FBXW11: variants seen among roughly 807,000 people sequenced by gnomAD.
FBXW11 encodes the protein F-box and WD repeat domain containing 11.
In FBXW11, 19 loss-of-function variants were observed where a neutral mutation model predicts 77.6. That is an observed-to-expected ratio of 0.24 (90% CI 0.17 to 0.36). The LOEUF (loss-of-function observed/expected upper bound fraction) is 0.36, where lower values mean the gene tolerates loss of function less well. FBXW11 is among the 10% of genes least tolerant of loss of function. FBXW11 has a pLI of 1.00. For missense variants in FBXW11, 334 were observed against 704.2 expected (o/e 0.47, Z 5.95); for synonymous variants, 235 against 249.4 (o/e 0.94, Z 0.54).
intron 1 of FBXW11, among the ~76,000 whole-genome samples, chr5:171,983,818 GA>G (rs1250362279): frequency 3.3e-5 from 5 of 152,126 alleles, no homozygotes; most frequent in African/African-American, 1.2e-4. Flanking sequence ...ATACCCAAGA[GA>G]AACAAGTGCT....
At chr5:171,934,676 CAA>C (rs34077162) in intron 2 of FBXW11, among the ~76,000 whole-genome samples, 44 of 69,160 alleles carry the variant, frequency 6.4e-4, no homozygotes, top group Middle Eastern at 7.6e-3. Flanking sequence ...GACCCTGTCT[CAA>C]AAAAAAAAAA....
intron 2 of FBXW11, among the ~76,000 whole-genome samples, chr5:171,951,155 A>G (rs1438133954): frequency 1.3e-5 from 2 of 152,012 alleles, no homozygotes; most frequent in South Asian, 2.1e-4. Flanking sequence ...CTAAAGATAC[A>G]TATGCAATGA....
chr5:171,957,733 C>T (rs1561721514), intron 1 of FBXW11, 35 bp from the exon 2 acceptor site: 1 of 1,563,746 alleles, frequency 6.4e-7, no homozygotes, highest in African/African-American at 1.4e-5. Flanking sequence ...AGAGAAGAAG[C>T]AGTTAGAGGC....
intron 1 of FBXW11, among the ~76,000 whole-genome samples, chr5:171,967,883 T>TACACACACAC (rs59469025): frequency 4.0e-5 from 3 of 74,984 alleles, no homozygotes; most frequent in African/African-American, 1.8e-4. Flanking sequence ...TATATATATA[T>TACACACACAC]ACACACACAC....
intron 1 of FBXW11, among the ~76,000 whole-genome samples, chr5:171,990,567 A>ATC (rs1765680443): frequency 6.6e-6 from 1 of 152,210 alleles, no homozygotes; most frequent in Non-Finnish European, 1.5e-5. Context: ...ACTAGAAATC[A>ATC]TCTACACATG....
At chr5:171,880,791 A>G (rs839302) in intron 7 of FBXW11, among the ~76,000 whole-genome samples, 137,697 of 152,176 alleles carry the variant, frequency 0.9, 62,681 homozygotes, top group East Asian at 1. Context: ...CCGCCTCCCA[A>G]GTTCAAGCTA....
rs931004216 is a variant in FBXW11 at position 171,956,109 on chromosome 5, G to T, written c.147+1488C>A. ...AAATTTCCAGTTCTGGAAAAAACTC[G>T]GTCAGCCCACTAAAAAGCAACTGTA... is the stretch of plus-strand genomic sequence containing the variant. On this transcript the variant is annotated intron_variant, in intron 2 of 13. Transcript: ENST00000517395. 2.6e-5 allele frequency among the ~76,000 whole-genome samples: 4 copies of T among 152,046 alleles called. 1 individual carries two copies. Among genetic ancestry groups the T allele is most frequent in the Admixed American group, 2.6e-4 (4 of 15,272 alleles).
intron 2 of FBXW11, among the ~76,000 whole-genome samples, chr5:171,930,762 T>TAAAAAAAAAAAAAAAAAAAAAAA (rs59700625): frequency 2.0e-4 from 25 of 126,354 alleles, no homozygotes; most frequent in East Asian, 6.8e-4. Context: ...AATAAAAAAA[T>TAAAAAAAAAAAAAAAAAAAAAAA]AAAAAAAAAA....
rs544431570 is a variant in FBXW11 at position 171,953,302 on chromosome 5, G to T, written c.147+4295C>A. On this transcript the variant is annotated intron_variant, in intron 2 of 13. Transcript: ENST00000517395. ...TAAGCGACCATGCTCAGCCAAAAAT[G>T]TAGGTTTTAGTGTCTATAAAATACT... Among the ~76,000 whole-genome samples the T allele has an allele frequency of 2.6e-5, 4 of 152,260 alleles. No homozygotes were observed. The South Asian group carries it at 8.3e-4, about 32-fold the overall frequency.
intron 2 of FBXW11, 24 bp from the exon 3 acceptor site, chr5:171,914,429 T>C (rs1022609004): frequency 2.1e-5 from 32 of 1,558,566 alleles, no homozygotes; most frequent in African/African-American, 2.8e-5. Flanking sequence ...AACAGGTTAT[T>C]TGAATTATAC....
At chr5:171,997,172 T>A (rs1166461234) in intron 1 of FBXW11, 3 of 783,378 alleles carry the variant, frequency 3.8e-6, no homozygotes, top group East Asian at 1.3e-4. Flanking sequence ...AAAAAAGTTA[T>A]AACCCCTGAG....
chr5:171,903,144 T>TG (rs1229104374), intron 4 of FBXW11, among the ~76,000 whole-genome samples: 1 of 152,202 alleles, frequency 6.6e-6, no homozygotes, highest in Non-Finnish European at 1.5e-5. Context: ...TCACCCAAGT[T>TG]GGAGTACAGT....
At chr5:171,901,261 C>A (rs1486920289) in intron 4 of FBXW11, among the ~76,000 whole-genome samples, 2 of 152,152 alleles carry the variant, frequency 1.3e-5, no homozygotes, top group Non-Finnish European at 2.9e-5. Context: ...TATCTGTTCT[C>A]TTTTCTCAAA....
intron 8 of FBXW11, among the ~76,000 whole-genome samples, chr5:171,877,455 G>A (rs536286000): frequency 3.3e-5 from 5 of 152,240 alleles, no homozygotes; most frequent in Admixed American, 6.5e-5. Context: ...TCTCCCAACT[G>A]CTTTGTAGAT....
At chr5:171,983,520 G>A (rs1765266291) in intron 1 of FBXW11, among the ~76,000 whole-genome samples, 1 of 152,060 alleles carries the variant, frequency 6.6e-6, no homozygotes, top group Admixed American at 6.6e-5. Context: ...CGGGGACCAA[G>A]CCCTCAATCT....
intron 2 of FBXW11, among the ~76,000 whole-genome samples, chr5:171,916,730 T>A (rs1219989125): frequency 1.3e-5 from 2 of 152,080 alleles, no homozygotes; most frequent in African/African-American, 2.4e-5. Flanking sequence ...CCACAATGTC[T>A]GGGTTCTAAG....
intron 1 of FBXW11, among the ~76,000 whole-genome samples, chr5:171,990,775 C>T (rs966353544): frequency 2.0e-5 from 3 of 152,006 alleles, no homozygotes; most frequent in South Asian, 2.1e-4. Flanking sequence ...AAAGGTTACA[C>T]AAGAATGTAG....
In FBXW11 at chr5:171,872,911, T is replaced by C; in HGVS notation, c.1301A>G (p.Asp434Gly). 6.2e-7 allele frequency: 1 copy of C among 1,614,192 alleles called. No homozygotes were observed. Among genetic ancestry groups the C allele is most frequent in the Non-Finnish European group, 8.5e-7 (1 of 1,180,012 alleles). Reference protein sequence around the residue: ...KRGIACLQYRDRLVVSGSSDN... With the variant: ...KRGIACLQYRGRLVVSGSSDN... ...TGATGATCCACTAACAACCAGGCGA[T>C]CCCTGTACTGGAGACAGGCAATGCC... Residue 434 changes from aspartate (D) to glycine (G), a missense_variant, in exon 10 of 14, where the codon GAT (aspartate) becomes GGT (glycine). Coordinates refer to ENST00000517395, the MANE Select transcript of FBXW11 (RefSeq NM_001378974.1).
intron 4 of FBXW11, among the ~76,000 whole-genome samples, chr5:171,903,308 G>A (rs761770296): frequency 2.0e-5 from 3 of 152,042 alleles, no homozygotes; most frequent in South Asian, 2.1e-4. Flanking sequence ...TATATTGCCC[G>A]GGGTGGTCTC....
Sources: gnomAD v4.1 joint callset for allele counts (sites outside exome capture counted in the v4.1 genomes callset) on GRCh38, gnomAD v4.1.1 for gene constraint, MANE v1.5 for transcripts, NCBI Gene and HGNC (gene_info 2026-07-23, HGNC 2026-07-21) for gene names.